Variants in NCAM2 observed in about 807,000 individuals in gnomAD.
The protein encoded by NCAM2 is N-CAM-2.
NCAM2 carries 30 observed loss-of-function variants against 98.1 expected under a neutral mutation model. That is an observed-to-expected ratio of 0.31 (90% confidence interval 0.23 to 0.41). The LOEUF (loss-of-function observed/expected upper bound fraction) is 0.41, where lower values mean the gene tolerates loss of function less well. NCAM2 is among the 10% of genes least tolerant of loss of function. The pLI, the probability that NCAM2 is intolerant of heterozygous loss-of-function variation, is 1.00. For synonymous variants in NCAM2, 368 were observed against 342.4 expected (o/e 1.07, Z -0.83); for missense variants, 867 against 1,005.8 (o/e 0.86, Z 1.87).
intron 15 of NCAM2, among the ~76,000 whole-genome samples, chr21:21,505,246 A>G (rs1016305512): frequency 6.6e-6 from 1 of 152,040 alleles, no homozygotes; most frequent in African/African-American, 2.4e-5. Context: ...TAGGATCTTA[A>G]TCTGATGGGA....
chr21:21,503,945 A>T (rs1352671105), intron 15 of NCAM2, among the ~76,000 whole-genome samples: 1 of 151,894 alleles, frequency 6.6e-6, no homozygotes, highest in Non-Finnish European at 1.5e-5. Context: ...AGGAAGCTTA[A>T]AGCAGAAATA....
chr21:21,003,823 C>T (rs2064063706), intron 1 of NCAM2, among the ~76,000 whole-genome samples: 1 of 152,150 alleles, frequency 6.6e-6, no homozygotes, highest in East Asian at 1.9e-4. Context: ...CCTCATTAGA[C>T]AGCATTACTA....
chr21:21,105,213 C>T (rs1381558441), intron 1 of NCAM2, among the ~76,000 whole-genome samples: 1 of 152,082 alleles, frequency 6.6e-6, no homozygotes, highest in Non-Finnish European at 1.5e-5. Flanking sequence ...AATGAAATGA[C>T]ATGAAGTAGG....
At chr21:21,357,818 C>T (rs1201630149) in intron 8 of NCAM2, among the ~76,000 whole-genome samples, 5 of 151,474 alleles carry the variant, frequency 3.3e-5, no homozygotes, top group South Asian at 2.1e-4. Flanking sequence ...GAACAAAAAG[C>T]GAAGAACAAA....
intron 1 of NCAM2, among the ~76,000 whole-genome samples, chr21:21,230,439 T>A (rs1174607171): frequency 6.6e-6 from 1 of 151,380 alleles, no homozygotes; most frequent in Non-Finnish European, 1.5e-5. Context: ...TTATGTGATT[T>A]TACTGGACCA....
At chr21:21,474,934 T>C (rs967261255) in intron 14 of NCAM2, among the ~76,000 whole-genome samples, 4 of 151,438 alleles carry the variant, frequency 2.6e-5, no homozygotes, top group Non-Finnish European at 5.9e-5. Context: ...TCATCTCAAA[T>C]TACTTTTGGG....
intron 1 of NCAM2, among the ~76,000 whole-genome samples, chr21:21,039,651 A>G (rs2146255855): frequency 6.6e-6 from 1 of 152,342 alleles, no homozygotes; most frequent in East Asian, 1.9e-4. Context: ...TTGAATTAAT[A>G]TTTAAATAAT....
At chr21:21,180,184 T>C (rs1408553754) in intron 1 of NCAM2, among the ~76,000 whole-genome samples, 1 of 152,166 alleles carries the variant, frequency 6.6e-6, no homozygotes. Flanking sequence ...GTGTAACTCT[T>C]AAGACCCAGA....
intron 16 of NCAM2, among the ~76,000 whole-genome samples, chr21:21,527,764 C>A (rs1483838831): frequency 1.3e-5 from 2 of 152,138 alleles, no homozygotes; most frequent in African/African-American, 4.8e-5. Flanking sequence ...TGCAGTGATA[C>A]AATCACTGTG....
intron 5 of NCAM2, among the ~76,000 whole-genome samples, chr21:21,306,254 T>A (rs529580357): frequency 6.6e-6 from 1 of 152,276 alleles, no homozygotes; most frequent in Non-Finnish European, 1.5e-5. Flanking sequence ...ACCTACTTGC[T>A]CTATTAGTTA....
intron 1 of NCAM2, among the ~76,000 whole-genome samples, chr21:21,156,617 T>TA (rs1601522229): frequency 6.6e-6 from 1 of 151,346 alleles, no homozygotes; most frequent in Non-Finnish European, 1.5e-5. Context: ...GATAGATAGA[T>TA]AATTGTAGAT....
intron 1 of NCAM2, chr21:21,223,240 A>G (rs1428164013): frequency 6.6e-6 from 1 of 152,182 alleles, no homozygotes; most frequent in African/African-American, 2.4e-5. Flanking sequence ...AAATTTAATT[A>G]GGTAATTTCT....
In NCAM2 at chr21:21,468,654, A is replaced by G; in HGVS notation, c.1775-8A>G. On this transcript the variant is annotated splice_region_variant and splice_polypyrimidine_tract_variant and intron_variant, in intron 13 of 17. Coordinates refer to ENST00000400546, the MANE Select transcript of NCAM2 (RefSeq NM_004540.5). Reference sequence around the variant, plus strand: ...TGCAAATGAAGAAATGTTGTATTGTATATCTAGGTGAACCAAGTCCTCCAT... The same window carrying G: ...TGCAAATGAAGAAATGTTGTATTGTGTATCTAGGTGAACCAAGTCCTCCAT... 3.1e-6 allele frequency: 5 copies of G among 1,608,348 alleles called. No individual in the cohort carries two copies. Among genetic ancestry groups the G allele is most frequent in the Middle Eastern group, 1.7e-4 (1 of 6,028 alleles).
Position 21,470,564 on chromosome 21 carries a change from G to A in NCAM2, c.1896+1781G>A, listed in dbSNP as rs548561079. Among the ~76,000 whole-genome samples the A allele has an allele frequency of 3.9e-4, 59 of 152,078 alleles. 4 individuals carry two copies. The South Asian group carries it at 0.01, about 26-fold the overall frequency. ...TGTCTCCAGTAAAGTTACTCCTTCC[G>A]TTTTCTCGCCTTTCTCTTTCTCCTC... is the stretch of plus-strand genomic sequence containing the variant. On this transcript the variant is annotated intron_variant, in intron 14 of 17. Transcript: ENST00000400546.
chr21:21,441,498 C>T (rs1405165651), intron 12 of NCAM2, among the ~76,000 whole-genome samples: 2 of 152,110 alleles, frequency 1.3e-5, no homozygotes, highest in Non-Finnish European at 2.9e-5. Context: ...TGGACTATAT[C>T]AATGAATGAA....
At chr21:21,362,617 C>T (rs1418244040) in intron 8 of NCAM2, among the ~76,000 whole-genome samples, 1 of 152,078 alleles carries the variant, frequency 6.6e-6, no homozygotes, top group Non-Finnish European at 1.5e-5. Flanking sequence ...TCCATAAATC[C>T]TAGGGCATTG....
At position 20,998,607 on chromosome 21, in the gene NCAM2, G is replaced by A. The variant is rs776856903; in HGVS notation, c.44G>A (p.Ser15Asn). 2 of 1,614,116 alleles carry A rather than the reference G, an allele frequency of 1.2e-6. No homozygotes were observed. The highest frequency in any genetic ancestry group is 1.1e-5 in the South Asian group (1 of 91,078). ...TTCTACCTGCTGGGGTTGCTTGTCA[G>A]TAGCGGGCAAGGTAGGAGTGTGGCG... The part of the protein sequence containing the change: ...LSFYLLGLLV[S>N]SGQALLQVTI... The change falls in exon 1 of 18, where the codon AGT becomes AAT. Residue 15 changes from serine to asparagine, a missense_variant. By Grantham distance (46) the Ser-to-Asn change is conservative. Around this residue, in one of 5 missense-constraint regions of NCAM2, gnomAD observed 447 missense variants for 495.7 expected, o/e 0.90. Coordinates refer to ENST00000400546, the MANE Select transcript of NCAM2 (RefSeq NM_004540.5).
chr21:21,268,402 A>T (rs571559728), intron 1 of NCAM2, among the ~76,000 whole-genome samples: 140 of 152,216 alleles, frequency 9.2e-4, no homozygotes, highest in Middle Eastern at 3.4e-3. Flanking sequence ...TCTCTTTTGG[A>T]CTTACTGTGC....
chr21:21,271,383 TG>T (rs1396707841), intron 1 of NCAM2, among the ~76,000 whole-genome samples: 11 of 152,182 alleles, frequency 7.2e-5, no homozygotes, highest in African/African-American at 2.7e-4. Flanking sequence ...ATTTCATATG[TG>T]TTAAGTGCTC....
Sources: allele counts gnomAD v4.1 joint callset (sites outside exome capture counted in the v4.1 genomes callset), GRCh38; gene constraint gnomAD v4.1.1; regional missense constraint gnomAD v4.1.1; transcripts MANE v1.5; gene names NCBI Gene and HGNC (gene_info 2026-07-23, HGNC 2026-07-21).